Variants in PBX1 observed in about 807,000 individuals in gnomAD.
PBX1 encodes the protein PBX homeobox 1.
Under a neutral mutation model 53.4 loss-of-function variants are expected in PBX1, and 6 were observed. The observed-to-expected ratio is 0.11, with a 90% CI of 0.06 to 0.22. The LOEUF (loss-of-function observed/expected upper bound fraction) is 0.22, where lower values mean the gene tolerates loss of function less well. PBX1 is among the 10% of genes least tolerant of loss of function. The probability of loss-of-function intolerance (pLI) is 1.00; values close to 1 mark genes in which losing one functional copy is unlikely to be tolerated. For synonymous variants in PBX1, 204 were observed against 212.3 expected (o/e 0.96, Z 0.34); for missense variants, 251 against 551.4 (o/e 0.46, Z 5.46).
At chr1:164,717,251 A>G (rs1664156731) in intron 2 of PBX1, among the ~76,000 whole-genome samples, 1 of 152,160 alleles carries the variant, frequency 6.6e-6, no homozygotes, top group Admixed American at 6.5e-5. Flanking sequence ...TGGCATTGGC[A>G]TTAAGGTTCT....
At chr1:164,683,713 A>G (rs963277265) in intron 2 of PBX1, 1 of 150,564 alleles carries the variant, frequency 6.6e-6, no homozygotes, top group Non-Finnish European at 1.5e-5. Flanking sequence ...CTTACTGTCA[A>G]ATTTTGCTTT....
intron 2 of PBX1, among the ~76,000 whole-genome samples, chr1:164,756,054 A>T (rs555038397): frequency 2.0e-5 from 3 of 151,986 alleles, no homozygotes; most frequent in African/African-American, 7.2e-5. Flanking sequence ...CCCTCTGCAC[A>T]GAGCTAGCTG....
chr1:164,873,159 T>C (rs1237881927), intron 2 of PBX1, among the ~76,000 whole-genome samples: 2 of 152,258 alleles, frequency 1.3e-5, no homozygotes, highest in Non-Finnish European at 2.9e-5. Flanking sequence ...CTGAAGGTCA[T>C]GTTCATAGCC....
chr1:164,823,734 A>T (rs1204202685), intron 8 of PBX1, among the ~76,000 whole-genome samples: 1 of 152,150 alleles, frequency 6.6e-6, no homozygotes, highest in Non-Finnish European at 1.5e-5. Flanking sequence ...AGCCCACCAC[A>T]AAAACTGGGC....
In PBX1 at chr1:164,807,530, C is replaced by G; in HGVS notation, c.702-12C>G. On this transcript the variant is annotated splice_polypyrimidine_tract_variant and intron_variant, in intron 4 of 8. Transcript: ENST00000420696. ...GAGCCTTTTTGTTATTATTTCCTTT[C>G]TCTTTACAAAGGCGGAAGAGACGGA... 1 of 1,610,028 alleles carries G rather than the reference C, an allele frequency of 6.2e-7. No homozygotes were observed. The highest frequency in any genetic ancestry group is 1.1e-5 in the South Asian group (1 of 89,918).
At chr1:164,680,212 CTTAG>C (rs1661681787) in intron 2 of PBX1, 2 of 152,068 alleles carry the variant, frequency 1.3e-5, no homozygotes, top group Admixed American at 1.3e-4. Flanking sequence ...GGAATTAGAA[CTTAG>C]TTACTTAAAA....
chr1:164,575,678 T>C (rs1654172244), intron 2 of PBX1, among the ~76,000 whole-genome samples: 1 of 152,222 alleles, frequency 6.6e-6, no homozygotes, highest in South Asian at 2.1e-4. Flanking sequence ...AAAGGCACTC[T>C]ATGGATATGA....
At chr1:164,700,837 C>T (rs952128601) in intron 2 of PBX1, 1 of 572,768 alleles carries the variant, frequency 1.7e-6, no homozygotes, top group Non-Finnish European at 2.2e-6. Context: ...TATATTGCCA[C>T]TTAGCTGATA....
chr1:164,679,722 TCA>T, intron 2 of PBX1, among the ~76,000 whole-genome samples: 1 of 152,364 alleles, frequency 6.6e-6, no homozygotes, highest in South Asian at 2.1e-4. Context: ...ATCGTATGTT[TCA>T]CAGTTATGTT....
At chr1:164,705,942 T>C (rs1390887603) in intron 2 of PBX1, among the ~76,000 whole-genome samples, 2 of 152,258 alleles carry the variant, frequency 1.3e-5, no homozygotes, top group Non-Finnish European at 2.9e-5. Flanking sequence ...CTGTGTTAAT[T>C]TGTCTAGTGG....
At chr1:164,867,255 T>C (rs1287488591) in intron 2 of PBX1, among the ~76,000 whole-genome samples, 1 of 152,126 alleles carries the variant, frequency 6.6e-6, no homozygotes, top group African/African-American at 2.4e-5. Context: ...ATTCATGAGA[T>C]ACTATATTCA....
In PBX1 at chr1:164,850,024, C is replaced by T. The variant is rs1671754485; in HGVS notation, c.*3348C>T. The T allele has an allele frequency of 4.5e-6, 1 of 224,522 alleles. No homozygotes were observed. The highest frequency in any genetic ancestry group is 8.8e-6 in the Non-Finnish European group (1 of 113,094). The allele number at this position is 224,522 out of a possible 1,614,324, so 13.9% of individuals were successfully genotyped here. A position where few individuals can be genotyped will look rare whatever the true frequency, so the allele number is the denominator to read the frequency against. On this transcript the variant is annotated 3_prime_UTR_variant, in exon 9 of 9. Transcript: ENST00000420696. ...TGATGAACATTTGATAATGAATGTT[C>T]TTGTATATTCAGATAAAGAAAAAAA...
At chr1:164,607,464 G>C (rs189075209) in intron 2 of PBX1, among the ~76,000 whole-genome samples, 3 of 152,174 alleles carry the variant, frequency 2.0e-5, no homozygotes, top group Non-Finnish European at 4.4e-5. Context: ...AGGATATCAA[G>C]ATTACCAGAG....
intron 2 of PBX1, among the ~76,000 whole-genome samples, chr1:164,631,275 GTTTTTTTTTTCT>G (rs1221828426): frequency 6.8e-6 from 1 of 146,884 alleles, no homozygotes; most frequent in African/African-American, 2.5e-5. Flanking sequence ...TAGTGAGAGA[GTTTTTTTTTTCT>G]TTTTTTTTTT....
intron 4 of PBX1, among the ~76,000 whole-genome samples, chr1:164,800,418 A>G (rs1392466621): frequency 6.6e-6 from 1 of 152,190 alleles, no homozygotes; most frequent in East Asian, 1.9e-4. Flanking sequence ...AGGGACAAGG[A>G]GGTGGTCTAA....
At chr1:164,610,424 T>A (rs1346494226) in intron 2 of PBX1, among the ~76,000 whole-genome samples, 1 of 152,004 alleles carries the variant, frequency 6.6e-6, no homozygotes, top group African/African-American at 2.4e-5. Context: ...GAGAATGCGG[T>A]GGGGTTAACA....
intron 2 of PBX1, among the ~76,000 whole-genome samples, chr1:164,743,916 G>A (rs1371065760): frequency 6.6e-6 from 1 of 152,154 alleles, no homozygotes; most frequent in Non-Finnish European, 1.5e-5. Flanking sequence ...CTGCGAGGGA[G>A]GCTAAGAAAT....
chr1:164,731,617 GAT>G (rs1308618764), intron 2 of PBX1, among the ~76,000 whole-genome samples: 1 of 152,188 alleles, frequency 6.6e-6, no homozygotes, highest in Non-Finnish European at 1.5e-5. Flanking sequence ...GACTTAATCA[GAT>G]GCTGTCAGAT....
intron 2 of PBX1, among the ~76,000 whole-genome samples, chr1:164,768,265 T>TAA (rs1162810746): frequency 2.6e-5 from 4 of 152,090 alleles, no homozygotes; most frequent in Non-Finnish European, 4.4e-5. Flanking sequence ...TCCCAGACAA[T>TAA]AAGTGCTAGC....
Sources: allele counts gnomAD v4.1 joint callset (sites outside exome capture counted in the v4.1 genomes callset), GRCh38; gene constraint gnomAD v4.1.1; transcripts MANE v1.5; gene names NCBI Gene and HGNC (gene_info 2026-07-23, HGNC 2026-07-21).